The following DMD variants were observed in gnomAD, a reference collection of about 807,000 sequenced individuals.
DMD encodes dystrophin.
Under a neutral mutation model 330.1 loss-of-function variants are expected in DMD, and 63 were observed. That is an observed-to-expected ratio of 0.19 (90% CI 0.16 to 0.24). The LOEUF (loss-of-function observed/expected upper bound fraction) is 0.24, where lower values mean the gene tolerates loss of function less well. Among genes scored for constraint, DMD ranks in the 10% least tolerant of loss-of-function variants. DMD has a pLI of 1.00. For missense variants in DMD, 3,344 were observed against 2,684.1 expected (o/e 1.25, Z -5.43); for synonymous variants, 1,223 against 959.8 (o/e 1.27, Z -5.07).
intron 29 of DMD, among the ~76,000 whole-genome samples, chrX:32,437,834 G>A (rs944916358): frequency 1.8e-5 from 2 of 112,157 alleles, no homozygotes; most frequent in Admixed American, 1.9e-4. Flanking sequence ...TATTTATGAA[G>A]AATAAATAAT....
chrX:33,152,679 A>G (rs2048337433), intron 1 of DMD, among the ~76,000 whole-genome samples: 1 of 111,309 alleles, frequency 9.0e-6, no homozygotes, highest in African/African-American at 3.3e-5. Flanking sequence ...AAGTTCACGT[A>G]TGGAAAACCA....
intron 12 of DMD, 21 bp downstream of exon 12, chrX:32,614,282 C>T (rs374749046): frequency 8.6e-5 from 104 of 1,203,428 alleles, no homozygotes; most frequent in African/African-American, 2.3e-4. Context: ...GTAGAAAGCA[C>T]GCAACATAAG....
chrX:32,099,434 C>T (rs191393523), intron 44 of DMD, among the ~76,000 whole-genome samples: 18 of 110,481 alleles, frequency 1.6e-4, no homozygotes, highest in Non-Finnish European at 2.5e-4. Context: ...TATAAAGACA[C>T]GTGCACACAT....
At chrX:33,009,818 ATGTGTATATG>A (rs1450671431) in intron 2 of DMD, among the ~76,000 whole-genome samples, 5 of 15,934 alleles carry the variant, frequency 3.1e-4, no homozygotes, top group African/African-American at 5.4e-4. Context: ...ATACACACAT[ATGTGTATATG>A]TGTGTATATG....
In DMD at chrX:31,316,614, C is replaced by G. The variant is rs1480772824; in HGVS notation, c.9224+6984G>C. Reference sequence around the variant, plus strand: ...ACAACACTATGGCACCCCTTTCACTCTCTTTCAGTTAATATCTTAACCTGA... The same window carrying G: ...ACAACACTATGGCACCCCTTTCACTGTCTTTCAGTTAATATCTTAACCTGA... On this transcript the variant is annotated intron_variant, in intron 62 of 78. Transcript: ENST00000357033. Among the ~76,000 whole-genome samples, 4 of 111,935 alleles carry G rather than the reference C, an allele frequency of 3.6e-5. No homozygotes were observed. The Admixed American group carries it at 3.8e-4, about 11-fold the overall frequency.
chrX:32,420,082 C>G (rs2098183592), intron 29 of DMD, among the ~76,000 whole-genome samples: 1 of 111,743 alleles, frequency 8.9e-6, no homozygotes, highest in South Asian at 3.7e-4. Flanking sequence ...CTACAGGATT[C>G]ATCATATCCA....
At chrX:31,240,475 T>A (rs769045129) in intron 63 of DMD, among the ~76,000 whole-genome samples, 1 of 111,930 alleles carries the variant, frequency 8.9e-6, no homozygotes, top group East Asian at 2.8e-4. Context: ...GCACTTTTTT[T>A]AATGATTGAG....
intron 1 of DMD, among the ~76,000 whole-genome samples, chrX:33,250,088 TATA>T (rs2052746136): frequency 3.2e-5 from 1 of 31,350 alleles, no homozygotes; most frequent in African/African-American, 7.5e-5. Context: ...CTATTCATTA[TATA>T]TATATATATA....
At chrX:31,392,163 T>C (rs965477095) in intron 60 of DMD, among the ~76,000 whole-genome samples, 1 of 112,223 alleles carries the variant, frequency 8.9e-6, no homozygotes, top group Admixed American at 9.5e-5. Flanking sequence ...TGACAAGAAC[T>C]GCCACTCTTC....
At chrX:31,874,865 G>A (rs2067416082) in intron 48 of DMD, among the ~76,000 whole-genome samples, 1 of 110,999 alleles carries the variant, frequency 9.0e-6, no homozygotes, top group Non-Finnish European at 1.9e-5. Context: ...CTGTGAGGTT[G>A]GTTTAGCCAG....
intron 44 of DMD, among the ~76,000 whole-genome samples, chrX:32,031,789 C>G (rs2095885820): frequency 8.9e-6 from 1 of 111,758 alleles, no homozygotes; most frequent in African/African-American, 3.2e-5. Context: ...TAACACTAAA[C>G]AATTCATTTT....
intron 57 of DMD, among the ~76,000 whole-genome samples, chrX:31,484,799 A>G (rs2068665256): frequency 8.9e-6 from 1 of 112,144 alleles, no homozygotes; most frequent in Non-Finnish European, 1.9e-5. Context: ...TAATTTGTTC[A>G]TTCAAAAAAT....
chrX:32,606,773 A>G (rs1486309345), intron 12 of DMD, among the ~76,000 whole-genome samples: 2 of 97,786 alleles, frequency 2.0e-5, no homozygotes, highest in Admixed American at 2.3e-4. Flanking sequence ...ATACACACAT[A>G]TATACACACA....
intron 53 of DMD, among the ~76,000 whole-genome samples, chrX:31,664,603 A>T (rs2081317768): frequency 1.2e-5 from 1 of 86,735 alleles, no homozygotes; most frequent in African/African-American, 4.9e-5. Flanking sequence ...TCAATCTGAT[A>T]TGTTGGTCCT....
intron 1 of DMD, among the ~76,000 whole-genome samples, chrX:33,222,299 G>A (rs1274739775): frequency 2.7e-5 from 3 of 111,721 alleles, no homozygotes; most frequent in South Asian, 3.7e-4. Context: ...AAAATCACAC[G>A]ATGTTATCAG....
chrX:32,515,721 G>A (rs1013596746), intron 18 of DMD, among the ~76,000 whole-genome samples: 3 of 111,438 alleles, frequency 2.7e-5, no homozygotes, highest in African/African-American at 9.8e-5. Flanking sequence ...TGATTCTCGA[G>A]CCTTTATGTG....
At chrX:32,680,927 C>G (rs932826893) in intron 9 of DMD, among the ~76,000 whole-genome samples, 5 of 111,849 alleles carry the variant, frequency 4.5e-5, no homozygotes, top group African/African-American at 1.6e-4. Flanking sequence ...ACTTCTGGTA[C>G]CTTCTCTAGC....
intron 1 of DMD, among the ~76,000 whole-genome samples, chrX:33,230,677 T>C (rs1309048179): frequency 9.0e-6 from 1 of 110,925 alleles, no homozygotes; most frequent in African/African-American, 3.3e-5. Flanking sequence ...TGCGATTCAG[T>C]GTTCTTAAGG....
intron 52 of DMD, among the ~76,000 whole-genome samples, chrX:31,707,873 T>C (rs2084318251): frequency 9.1e-6 from 1 of 109,842 alleles, no homozygotes; most frequent in Admixed American, 9.7e-5. Flanking sequence ...GAAGGAAAAG[T>C]AAAGAAATAA....
Sources: allele counts gnomAD v4.1 joint callset (sites outside exome capture counted in the v4.1 genomes callset), GRCh38; gene constraint gnomAD v4.1.1; transcripts MANE v1.5; gene names NCBI Gene and HGNC (gene_info 2026-07-23, HGNC 2026-07-21).